PCLO: variants seen among roughly 807,000 people sequenced by gnomAD.
PCLO encodes piccolo presynaptic cytomatrix protein.
Under a neutral mutation model 427.5 loss-of-function variants are expected in PCLO, and 82 were observed. The observed-to-expected ratio is 0.19, with a 90% CI of 0.16 to 0.23. The LOEUF is 0.23. PCLO is among the 10% of genes least tolerant of loss of function. The pLI, the probability that PCLO is intolerant of heterozygous loss-of-function variation, is 1.00. For missense variants in PCLO, 6,239 were observed against 6,115.9 expected, an observed-to-expected ratio of 1.02 and a Z score of -0.67; for synonymous variants, 2,357 against 2,155.4, an observed-to-expected ratio of 1.09 and a Z score of -2.59.
chr7:83,072,777 C>T (rs1280049377), intron 3 of PCLO, among the ~76,000 whole-genome samples: 2 of 151,996 alleles, frequency 1.3e-5, no homozygotes, highest in Non-Finnish European at 2.9e-5. Flanking sequence ...TTGCTGATGC[C>T]TCACAGTCAA....
At position 83,021,172 on chromosome 7, in the gene PCLO, A is replaced by T. The variant is rs540100036; in HGVS notation, c.3301-54685T>A. 4.0e-5 allele frequency among the ~76,000 whole-genome samples: 6 copies of T among 151,226 alleles called. No individual in the cohort carries two copies. The South Asian group carries it at 1.3e-3, about 32-fold the overall frequency. On this transcript the variant is annotated intron_variant, in intron 3 of 24. Transcript: ENST00000333891. ...TTACAGCCCCTCACACCCTATAATC[A>T]TCCTAAAAACTTCAGCCCAGAACTC...
chr7:82,911,880 C>G (rs1216514600), intron 7 of PCLO, among the ~76,000 whole-genome samples: 1 of 152,114 alleles, frequency 6.6e-6, no homozygotes, highest in African/African-American at 2.4e-5. Context: ...CTCAGCCTCC[C>G]AAAGTGCTGG....
chr7:82,967,459 G>A (rs1795805535), intron 3 of PCLO, among the ~76,000 whole-genome samples: 1 of 152,090 alleles, frequency 6.6e-6, no homozygotes, highest in Admixed American at 6.6e-5. Flanking sequence ...AGAGACATGA[G>A]CTACTGTGCT....
intron 6 of PCLO, among the ~76,000 whole-genome samples, chr7:82,921,832 A>G (rs1295464537): frequency 6.6e-6 from 1 of 151,904 alleles, no homozygotes; most frequent in East Asian, 1.9e-4. Flanking sequence ...ATACCTGCAC[A>G]TTATACATCT....
At chr7:82,833,544 G>A (rs376568876) in intron 16 of PCLO, among the ~76,000 whole-genome samples, 3 of 152,182 alleles carry the variant, frequency 2.0e-5, no homozygotes. Context: ...AACCAAATCA[G>A]TGTACTTTTT....
intron 10 of PCLO, among the ~76,000 whole-genome samples, chr7:82,871,691 T>C (rs188526395): frequency 4.5e-4 from 69 of 152,084 alleles, no homozygotes; most frequent in Non-Finnish European, 8.2e-4. Flanking sequence ...ATTATATGCA[T>C]GCATGAAAAT....
At chr7:83,013,476 A>G (rs1788136711) in intron 3 of PCLO, among the ~76,000 whole-genome samples, 1 of 152,180 alleles carries the variant, frequency 6.6e-6, no homozygotes, top group Admixed American at 6.6e-5. Context: ...AAAAGTGTGT[A>G]TAGAAGTGCC....
intron 22 of PCLO, among the ~76,000 whole-genome samples, chr7:82,771,900 C>T (rs1249039900): frequency 3.9e-5 from 6 of 152,072 alleles, no homozygotes; most frequent in African/African-American, 1.2e-4. Context: ...GGAATAAATG[C>T]TTACCCATTT....
chr7:83,099,852 G>A (rs112239883), intron 3 of PCLO, among the ~76,000 whole-genome samples: 8,004 of 149,064 alleles, frequency 0.054, 699 homozygotes, highest in African/African-American at 0.19. Context: ...TGCTGTTGTC[G>A]TTAAATCCAT....
In PCLO at chr7:83,135,396, G is replaced by A. The variant is rs1562983886; in HGVS notation, c.2154C>T (p.Ala718=). ...CTGCCTCAGGGGGCTGCTTGGCCTT[G>A]GCTGAAGGAGAGCCATGAAGGGTTG... ...KQPTLHGSPS[A]KAKQPPEADS... is the part of the protein sequence containing the mutation. The change falls in exon 3 of 25, where the codon GCC becomes GCT. Residue 718 remains alanine (A), a synonymous_variant. Coordinates refer to ENST00000333891, the MANE Select transcript of PCLO (RefSeq NM_033026.6). 6.2e-7 allele frequency: 1 copy of A among 1,613,938 alleles called. No homozygotes were observed. The highest frequency in any genetic ancestry group is 1.7e-5 in the Admixed American group (1 of 60,018).
chr7:83,021,591 T>C (rs1432425259), intron 3 of PCLO, among the ~76,000 whole-genome samples: 1 of 152,200 alleles, frequency 6.6e-6, no homozygotes, highest in East Asian at 1.9e-4. Context: ...TCCCTCTTCC[T>C]TTCTTCCTTT....
chr7:83,107,355 C>T lies in PCLO; in HGVS notation c.3300+26895G>A, dbSNP rs151084264. On this transcript the variant is annotated intron_variant, in intron 3 of 24. Coordinates refer to ENST00000333891, the MANE Select transcript of PCLO (RefSeq NM_033026.6). ...AATTAATATTGAGTCAAAACTAACACGAATTTATTTCACTTAAGTCCATCC... is the reference window on the plus strand; with the variant it reads ...AATTAATATTGAGTCAAAACTAACATGAATTTATTTCACTTAAGTCCATCC... 2.3e-4 allele frequency among the ~76,000 whole-genome samples: 35 copies of T among 152,184 alleles called. No individual in the cohort carries two copies. In the East Asian group the frequency reaches 4.3e-3, roughly 18 times the overall value.
At chr7:83,043,914 T>TTTC (rs1410841138) in intron 3 of PCLO, among the ~76,000 whole-genome samples, 23 of 61,686 alleles carry the variant, frequency 3.7e-4, no homozygotes, top group South Asian at 1.7e-3. Flanking sequence ...ATTATTTTCT[T>TTTC]TTTTTTTTTT....
chr7:83,068,627 A>G (rs1001506530), intron 3 of PCLO, among the ~76,000 whole-genome samples: 1 of 152,188 alleles, frequency 6.6e-6, no homozygotes, highest in Non-Finnish European at 1.5e-5. Context: ...AAGACAAGAC[A>G]TATGTTTTGG....
At position 82,915,979 on chromosome 7, in the gene PCLO, C is replaced by A; in HGVS notation, c.12007G>T (p.Gly4003Cys). The change falls in exon 7 of 25, where the codon GGT becomes TGT. Residue 4003 changes from glycine (G) to cysteine (C), a missense_variant. Transcript: ENST00000333891. ...AAGTCTAAACTATTGTACTTACTAC[C>A]AAGATGGGAAACAGCAAATGTGTTA... The part of the protein sequence containing the change: ...TDNTFAVSHL[G>C]SKYNSLDLRI... 6.2e-7 allele frequency: 1 copy of A among 1,612,806 alleles called. No individual in the cohort carries two copies. Among genetic ancestry groups the A allele is most frequent in the Non-Finnish European group, 8.5e-7 (1 of 1,179,770 alleles).
intron 3 of PCLO, among the ~76,000 whole-genome samples, chr7:83,035,539 T>C (rs1214853808): frequency 1.3e-5 from 2 of 152,182 alleles, no homozygotes; most frequent in Non-Finnish European, 2.9e-5. Flanking sequence ...GTATATTAAC[T>C]GGTTTTATGT....
chr7:82,994,010 T>A (rs961214115), intron 3 of PCLO, among the ~76,000 whole-genome samples: 1 of 152,056 alleles, frequency 6.6e-6, no homozygotes, highest in Non-Finnish European at 1.5e-5. Flanking sequence ...GGAAAGGTAG[T>A]TGATGCAATA....
chr7:83,028,241 T>C (rs1788558414), intron 3 of PCLO, among the ~76,000 whole-genome samples: 1 of 151,034 alleles, frequency 6.6e-6, no homozygotes, highest in African/African-American at 2.4e-5. Context: ...CTTAAGCTGA[T>C]AAGCAACTTC....
chr7:83,067,101 C>A (rs77420620), intron 3 of PCLO, among the ~76,000 whole-genome samples: 1,647 of 152,118 alleles, frequency 0.011, 29 homozygotes, highest in African/African-American at 0.037. Flanking sequence ...AAATTAATTC[C>A]ATATTTAGAC....
Sources: gnomAD v4.1 joint callset for allele counts (sites outside exome capture counted in the v4.1 genomes callset) on GRCh38, gnomAD v4.1.1 for gene constraint, MANE v1.5 for transcripts, NCBI Gene and HGNC (gene_info 2026-07-23, HGNC 2026-07-21) for gene names.